The following GLI3 variants were observed in gnomAD, a reference collection of about 807,000 sequenced individuals.
GLI3 encodes the protein transcription activator GLI3.
GLI3 carries 20 observed loss-of-function variants against 100.8 expected under a neutral mutation model. That is an observed-to-expected ratio of 0.20 (90% CI 0.14 to 0.29). The LOEUF (loss-of-function observed/expected upper bound fraction) is 0.29. GLI3 is among the 10% of genes least tolerant of loss of function. The probability of loss-of-function intolerance (pLI) is 1.00; values close to 1 mark genes in which losing one functional copy is unlikely to be tolerated. For missense variants in GLI3, 2,040 were observed against 2,128.5 expected (o/e 0.96, Z 0.82); for synonymous variants, 938 against 860.5 (o/e 1.09, Z -1.58).
chr7:42,095,341 T>A (rs1191495362), intron 3 of GLI3, among the ~76,000 whole-genome samples: 5 of 152,134 alleles, frequency 3.3e-5, no homozygotes, highest in Non-Finnish European at 7.4e-5. Flanking sequence ...GCCAGGCCTG[T>A]TCAGGGCTCC....
intron 3 of GLI3, among the ~76,000 whole-genome samples, chr7:42,101,358 T>C (rs1455320554): frequency 6.6e-6 from 1 of 152,160 alleles, no homozygotes; most frequent in Non-Finnish European, 1.5e-5. Context: ...CCCAGCACTT[T>C]GGGAGGCTGA....
chr7:42,101,369 G>T (rs1349981254), intron 3 of GLI3, among the ~76,000 whole-genome samples: 2 of 152,188 alleles, frequency 1.3e-5, no homozygotes, highest in African/African-American at 4.8e-5. Context: ...GGGAGGCTGA[G>T]GTGGGAGAAC....
At chr7:42,079,072 T>G (rs564851761) in intron 3 of GLI3, among the ~76,000 whole-genome samples, 1 of 152,180 alleles carries the variant, frequency 6.6e-6, no homozygotes, top group Non-Finnish European at 1.5e-5. Flanking sequence ...CATATAAAAA[T>G]TGATTATATT....
chr7:42,025,497 C>A, intron 8 of GLI3, 120 bp from the exon 9 acceptor site: 8 of 739,086 alleles, frequency 1.1e-5, no homozygotes, highest in South Asian at 1.0e-4. Context: ...AGCAATGACT[C>A]TGATAATTCT....
upstream of GLI3, among the ~76,000 whole-genome samples, chr7:42,242,755 A>G (rs1157222418): frequency 6.6e-6 from 1 of 151,868 alleles, no homozygotes; most frequent in East Asian, 1.9e-4. Flanking sequence ...TTTAAGTTTC[A>G]CCCCTAGTCA....
rs139782938 is a variant in GLI3, at chr7:41,963,387, C to G, written c.*943G>C. On this transcript the variant is annotated 3_prime_UTR_variant, in exon 15 of 15. Coordinates refer to ENST00000395925, the MANE Select transcript of GLI3 (RefSeq NM_000168.6). ...AAGAGATGGAACTAATCAACAAACA[C>G]AGCAACTCATAAATATTCCCCCAAC... The G allele has an allele frequency of 2.0e-5, 3 of 152,186 alleles. No homozygotes were observed. The highest frequency in any genetic ancestry group is 7.2e-5 in the African/African-American group (3 of 41,438). The allele number at this position is 152,186 out of a possible 1,614,324, so 9.4% of individuals were successfully genotyped here.
intron 10 of GLI3, among the ~76,000 whole-genome samples, chr7:42,003,294 C>G (rs1788361208): frequency 6.6e-6 from 1 of 152,014 alleles, no homozygotes; most frequent in African/African-American, 2.4e-5. Flanking sequence ...GAAATGAAAG[C>G]AGCATTTCAC....
chr7:42,005,681 C>A (rs1237405106), intron 10 of GLI3, among the ~76,000 whole-genome samples: 2 of 152,178 alleles, frequency 1.3e-5, no homozygotes, highest in Non-Finnish European at 2.9e-5. Context: ...GGCTCTGCTG[C>A]AGCATTAACC....
Position 41,966,656 on chromosome 7 carries a change from A to C in GLI3, c.2432-15T>G, listed in dbSNP as rs1385952405. ...GGACTGTGTGCCTGGAGACAGAGAA[A>C]GGGAGAGACCATGCGGAGATGAATT... On this transcript the variant is annotated splice_polypyrimidine_tract_variant and intron_variant, in intron 14 of 14. Coordinates refer to ENST00000395925, the MANE Select transcript of GLI3 (RefSeq NM_000168.6). The surrounding 1 kb of genome is among the most constrained non-coding windows in gnomAD (Gnocchi z 5.8). The C allele has an allele frequency of 6.2e-7, 1 of 1,613,834 alleles. No individual in the cohort carries two copies. The highest frequency in any genetic ancestry group is 1.1e-5 in the South Asian group (1 of 91,076).
intron 4 of GLI3, among the ~76,000 whole-genome samples, chr7:42,053,587 A>T (rs1784395444): frequency 6.6e-6 from 1 of 152,222 alleles, no homozygotes; most frequent in Non-Finnish European, 1.5e-5. Flanking sequence ...GTGCCAGGAA[A>T]AAAACTGTGG....
chr7:42,044,673 C>T (rs970969009), intron 6 of GLI3, among the ~76,000 whole-genome samples: 7 of 152,126 alleles, frequency 4.6e-5, no homozygotes, highest in African/African-American at 1.7e-4. Flanking sequence ...CAGCTACAAA[C>T]TGTCTTAGTG....
Position 41,967,838 on chromosome 7 carries a change from A to G in GLI3, c.2189T>C (p.Leu730Pro), listed in dbSNP as rs375779498. The G allele has an allele frequency of 2.5e-6, 4 of 1,613,964 alleles. No individual in the cohort carries two copies. The African/African-American group carries it at 4.0e-5, about 16-fold the overall frequency. Residue 730 changes from leucine to proline, a missense_variant, in exon 14 of 15, where the codon CTT (leucine) becomes CCT (proline). Physicochemically the swap from Leu to Pro is moderately conservative, Grantham distance 98. Transcript: ENST00000395925. The part of the protein sequence containing the change: ...ISNYSNSGLE[L>P]PLTDGGSIGD... Reference sequence around the variant, plus strand: ...TATACTACCTCCATCGGTCAGAGGAAGCTCGAGCCCACTGTTGGAATAGTT... The same window carrying G: ...TATACTACCTCCATCGGTCAGAGGAGGCTCGAGCCCACTGTTGGAATAGTT...
chr7:42,261,200 A>AACACACACACAAACAAAC (rs1554345523), intron 1 of GLI3, among the ~76,000 whole-genome samples: 43 of 147,442 alleles, frequency 2.9e-4, no homozygotes, highest in African/African-American at 9.4e-4. Flanking sequence ...CACACACACA[A>AACACACACACAAACAAAC]ACACACACAC....
intron 2 of GLI3, among the ~76,000 whole-genome samples, chr7:42,181,920 C>T (rs1787601436): frequency 6.6e-6 from 1 of 152,198 alleles, no homozygotes; most frequent in Non-Finnish European, 1.5e-5. Context: ...TAAAATGAGA[C>T]TTCCATCTTC....
chr7:42,177,774 T>C (rs114049627), intron 2 of GLI3, among the ~76,000 whole-genome samples: 26 of 152,312 alleles, frequency 1.7e-4, no homozygotes, highest in African/African-American at 5.5e-4. Flanking sequence ...CAAACAACAG[T>C]GTGCTCCTCT....
chr7:42,022,628 C>A (rs529406080), intron 10 of GLI3, among the ~76,000 whole-genome samples: 1 of 152,288 alleles, frequency 6.6e-6, no homozygotes, highest in Non-Finnish European at 1.5e-5. Context: ...AGTTGTAGCA[C>A]CTGCATCTTT....
intron 1 of GLI3, among the ~76,000 whole-genome samples, chr7:42,256,501 G>T (rs1310424281): frequency 6.6e-6 from 1 of 152,052 alleles, no homozygotes; most frequent in Non-Finnish European, 1.5e-5. Context: ...TCTGTATGTG[G>T]ATATCCAAAG....
At chr7:41,977,773 T>A in intron 11 of GLI3, 51 bp from the exon 12 acceptor site, 1 of 1,524,612 alleles carries the variant, frequency 6.6e-7, no homozygotes, top group Non-Finnish European at 9.1e-7. Context: ...CAACAGCAGC[T>A]TATGCCTAAC....
At chr7:42,093,615 G>A (rs909931897) in intron 3 of GLI3, among the ~76,000 whole-genome samples, 11 of 151,944 alleles carry the variant, frequency 7.2e-5, no homozygotes, top group Non-Finnish European at 1.6e-4. Context: ...TTAAGAATTT[G>A]GTAAACCTCA....
Sources: gnomAD v4.1 joint callset for allele counts (sites outside exome capture counted in the v4.1 genomes callset) on GRCh38, gnomAD v4.1.1 for gene constraint, Gnocchi (gnomAD v3.1) non-coding constraint, MANE v1.5 for transcripts, NCBI Gene and HGNC (gene_info 2026-07-23, HGNC 2026-07-21) for gene names.